The following NBAS variants were observed in gnomAD, a reference collection of about 807,000 sequenced individuals.
NBAS encodes the protein NAG/BC035112 fusion.
A neutral mutation model predicts 302.5 loss-of-function variants in NBAS; 219 were observed. That is an observed-to-expected ratio of 0.72 (90% CI 0.65 to 0.81). The LOEUF (loss-of-function observed/expected upper bound fraction) is 0.81, where lower values mean the gene tolerates loss of function less well. Ranked by LOEUF, NBAS falls within the 30% of genes least tolerant of loss-of-function variation. The pLI, the probability that NBAS is intolerant of heterozygous loss-of-function variation, is 0.00. For missense variants in NBAS, 2,932 were observed against 2,841.6 expected (o/e 1.03, Z -0.72); for synonymous variants, 1,118 against 1,021.6 (o/e 1.09, Z -1.80).
At chr2:14,802,287 C>A in the NBAS span, among the ~76,000 whole-genome samples, 1 of 146,172 alleles carries the variant, frequency 6.8e-6, no homozygotes, top group Non-Finnish European at 1.5e-5. Context: ...GGAATCCTTT[C>A]CCCATTGCTT....
the NBAS span, among the ~76,000 whole-genome samples, chr2:15,029,894 T>C: frequency 6.6e-6 from 1 of 152,278 alleles, no homozygotes; most frequent in East Asian, 1.9e-4. Context: ...AGAGGGAGAT[T>C]CTAGGTGCTT....
chr2:15,252,452 C>T (rs927608369), intron 44 of NBAS, among the ~76,000 whole-genome samples: 4 of 151,656 alleles, frequency 2.6e-5, no homozygotes, highest in African/African-American at 4.8e-5. Flanking sequence ...GAGCTGAGAT[C>T]GCGCCATTGC....
intron 31 of NBAS, among the ~76,000 whole-genome samples, chr2:15,373,624 C>A (rs73198612): frequency 0.063 from 9,562 of 152,202 alleles, 888 homozygotes; most frequent in African/African-American, 0.2. Context: ...AGCCACTGTG[C>A]CCAGCCTAAT....
intron 38 of NBAS, among the ~76,000 whole-genome samples, chr2:15,314,674 T>C (rs977253936): frequency 6.6e-6 from 1 of 152,128 alleles, no homozygotes; most frequent in African/African-American, 2.4e-5. Context: ...GCAATACCAT[T>C]AAAATTTACC....
At chr2:15,234,407 G>T in intron 46 of NBAS, 138 bp downstream of exon 46, 1 of 854,934 alleles carries the variant, frequency 1.2e-6, no homozygotes, top group Non-Finnish European at 1.9e-6. Context: ...AAGACTATGA[G>T]AACTCTAAAA....
At chr2:15,473,372 G>A in intron 15 of NBAS, 25 bp from the exon 16 acceptor site, 1 of 1,612,446 alleles carries the variant, frequency 6.2e-7, no homozygotes, top group Non-Finnish European at 8.5e-7. Flanking sequence ...ACGAGGACAG[G>A]AATGTTACAT....
intron 44 of NBAS, among the ~76,000 whole-genome samples, chr2:15,267,061 C>T (rs1572556749): frequency 1.3e-5 from 2 of 152,142 alleles, no homozygotes; most frequent in South Asian, 2.1e-4. Flanking sequence ...TTAATATATA[C>T]CAAATCAAAC....
intron 21 of NBAS, among the ~76,000 whole-genome samples, chr2:15,446,131 A>G (rs1007521037): frequency 6.6e-6 from 1 of 152,130 alleles, no homozygotes; most frequent in African/African-American, 2.4e-5. Context: ...AGGAAGGGAA[A>G]AAAATATTTG....
chr2:15,273,842 G>A (rs982046204), intron 44 of NBAS, among the ~76,000 whole-genome samples: 8 of 152,128 alleles, frequency 5.3e-5, no homozygotes, highest in Admixed American at 2.0e-4. Context: ...TTGGGAGGCT[G>A]AGGTGGGTGG....
At chr2:15,218,708 G>C (rs577099711) in intron 48 of NBAS, 65 bp downstream of exon 48, 1 of 1,606,102 alleles carries the variant, frequency 6.2e-7, no homozygotes. Flanking sequence ...GATTACAGGC[G>C]TGAGCAACCG....
At chr2:14,780,514 G>T in the NBAS span, among the ~76,000 whole-genome samples, 1 of 152,190 alleles carries the variant, frequency 6.6e-6, no homozygotes, top group Non-Finnish European at 1.5e-5. Context: ...AAGCATAAAA[G>T]TTCTTTTAAA....
chr2:15,355,817 T>A (rs920515687), intron 33 of NBAS, among the ~76,000 whole-genome samples: 2 of 152,136 alleles, frequency 1.3e-5, no homozygotes, highest in African/African-American at 4.8e-5. Flanking sequence ...CCCTACTTCC[T>A]GTACAGCTTG....
intron 9 of NBAS, among the ~76,000 whole-genome samples, chr2:15,534,150 G>A (rs1572981217): frequency 1.3e-5 from 2 of 152,176 alleles, no homozygotes; most frequent in East Asian, 1.9e-4. Context: ...CAGTGCAGCG[G>A]TAACTAGCAA....
At chr2:15,467,509 G>T in intron 18 of NBAS, 102 bp from the exon 19 acceptor site, 1 of 1,308,926 alleles carries the variant, frequency 7.6e-7, no homozygotes, top group Non-Finnish European at 1.1e-6. Context: ...CAAAACTCAT[G>T]AAACAGTTCA....
chr2:15,075,010 T>C, the NBAS span, among the ~76,000 whole-genome samples: 2 of 152,156 alleles, frequency 1.3e-5, no homozygotes, highest in Non-Finnish European at 2.9e-5. Flanking sequence ...ACAGAAACTA[T>C]CTACATTAAA....
chr2:15,342,013 A>T (rs1252352210), intron 35 of NBAS, among the ~76,000 whole-genome samples: 1 of 152,180 alleles, frequency 6.6e-6, no homozygotes, highest in Non-Finnish European at 1.5e-5. Flanking sequence ...ACAAAAATTA[A>T]TGAGGACATA....
In NBAS at chr2:15,264,094, AG is replaced by A. The variant is rs1282018366; in HGVS notation, c.5724+11389del. On this transcript the variant is annotated intron_variant, in intron 44 of 51. Transcript: ENST00000281513. The stretch of plus-strand genomic sequence containing the variant: ...CGATGAAGAAAGAATGGAAGAGCAA[AG>A]GGAGTCCAAGTCACTAAAGATTTAC... 2.6e-5 allele frequency among the ~76,000 whole-genome samples: 4 copies of A among 152,352 alleles called. No homozygotes were observed. The South Asian group carries it at 6.2e-4, about 24-fold the overall frequency.
chr2:15,389,135 C>T (rs1402549650), intron 28 of NBAS, among the ~76,000 whole-genome samples: 5 of 152,156 alleles, frequency 3.3e-5, no homozygotes, highest in East Asian at 1.9e-4. Flanking sequence ...GGAGTTAACA[C>T]TCGTCAGACA....
At chr2:14,794,143 C>T in the NBAS span, among the ~76,000 whole-genome samples, 1 of 152,116 alleles carries the variant, frequency 6.6e-6, no homozygotes, top group Non-Finnish European at 1.5e-5. Context: ...TGACTATTTT[C>T]CCCCTCCTTC....
Sources: gnomAD v4.1 joint callset for allele counts (sites outside exome capture counted in the v4.1 genomes callset) on GRCh38, gnomAD v4.1.1 for gene constraint, MANE v1.5 for transcripts, NCBI Gene and HGNC (gene_info 2026-07-23, HGNC 2026-07-21) for gene names.